ARMC9: variants seen among roughly 807,000 people sequenced by gnomAD.
ARMC9 encodes lisH domain-containing protein ARMC9.
A neutral mutation model predicts 107.0 loss-of-function variants in ARMC9; 94 were observed. The ratio of observed to expected loss-of-function variants is 0.88; its 90% CI spans 0.74 to 1.04. The LOEUF (loss-of-function observed/expected upper bound fraction) is 1.04, where lower values mean the gene tolerates loss of function less well. Among genes scored for constraint, ARMC9 ranks in the 50% least tolerant of loss-of-function variants. The pLI, the probability that ARMC9 is intolerant of heterozygous loss-of-function variation, is 0.00. For missense variants in ARMC9, 942 were observed against 1,030.1 expected (o/e 0.91, Z 1.17); for synonymous variants, 380 against 396.9 (o/e 0.96, Z 0.51).
At chr2:231,296,046 A>G in intron 18 of ARMC9, 152 bp from the exon 19 acceptor site, 1 of 475,354 alleles carries the variant, frequency 2.1e-6, no homozygotes, top group Non-Finnish European at 3.7e-6. Flanking sequence ...CAGTGACTGA[A>G]ATGGTTGTGA....
intron 11 of ARMC9, among the ~76,000 whole-genome samples, chr2:231,262,068 T>C (rs527810116): frequency 9.9e-5 from 15 of 152,274 alleles, no homozygotes; most frequent in African/African-American, 3.6e-4. Flanking sequence ...GTGATCCACC[T>C]GCCTCGGCCT....
chr2:231,268,576 C>T (rs1046389944), intron 12 of ARMC9, among the ~76,000 whole-genome samples: 5 of 152,052 alleles, frequency 3.3e-5, no homozygotes, highest in African/African-American at 4.8e-5. Flanking sequence ...CTTGTTCTCT[C>T]GGTTGGTGGA....
At chr2:231,307,540 G>T (rs113290924) in intron 19 of ARMC9, among the ~76,000 whole-genome samples, 1 of 152,208 alleles carries the variant, frequency 6.6e-6, no homozygotes, top group Non-Finnish European at 1.5e-5. Flanking sequence ...AAGCATCAGC[G>T]TAGAGGGAAT....
In ARMC9 at chr2:231,332,026, A is replaced by G. The variant is rs140772550; in HGVS notation, c.1878+129A>G. ...CCATACTGTATTTATGAGAAGGTCC[A>G]TGTTAGCCAGTCTGCTCTCAGTGGC... On this transcript the variant is annotated intron_variant, in intron 20 of 24. Transcript: ENST00000611582. 1.8e-3 allele frequency: 1,379 copies of G among 761,068 alleles called. 7 individuals carry two copies. Among genetic ancestry groups the G allele is most frequent in the Non-Finnish European group, 2.3e-3 (1,045 of 462,064 alleles). The allele number at this position is 761,068 out of a possible 1,614,324, so 47.1% of individuals were successfully genotyped here. A position where few individuals can be genotyped will look rare whatever the true frequency, so the allele number is the denominator to read the frequency against.
chr2:231,226,651 T>C lies in ARMC9; in HGVS notation c.598-123T>C, dbSNP rs559393299. ...TTACAGCAACAGTTGGAGCTGGCCC[T>C]CCCGGCTCCGAGAATTCTGTTTCAT... On this transcript the variant is annotated intron_variant, in intron 6 of 24. Coordinates refer to ENST00000611582, the MANE Select transcript of ARMC9 (RefSeq NM_001352754.2). 4.2e-6 allele frequency: 5 copies of C among 1,182,732 alleles called. No individual in the cohort carries two copies. The African/African-American group carries it at 7.7e-5, about 18-fold the overall frequency. The allele number at this position is 1,182,732 out of a possible 1,614,324, so 73.3% of individuals were successfully genotyped here.
intron 22 of ARMC9, among the ~76,000 whole-genome samples, chr2:231,356,596 T>G (rs1356869349): frequency 6.6e-6 from 1 of 152,170 alleles, no homozygotes; most frequent in African/African-American, 2.4e-5. Context: ...ATCTGAGAAC[T>G]TGCATCTGCT....
intron 12 of ARMC9, among the ~76,000 whole-genome samples, chr2:231,268,960 C>T (rs1191726116): frequency 6.6e-6 from 1 of 152,082 alleles, no homozygotes; most frequent in Admixed American, 6.6e-5. Flanking sequence ...CCAGCTAACT[C>T]AGAAGGCTGA....
At position 231,270,988 on chromosome 2, in the gene ARMC9, G is replaced by A. The variant is rs1424016991; in HGVS notation, c.1126G>A (p.Val376Met). The change falls in exon 13 of 25, where the codon GTG becomes ATG. Residue 376 changes from valine (V) to methionine (M), a missense_variant. Transcript: ENST00000611582. ...TCTTGACGTTTTCCCCCAGAGGAGT[G>A]TGCTTCAGTTGCTGCACTCCACGAG... ...LDCYSHNQRS[V>M]LQLLHSTSDV... The A allele has an allele frequency of 6.2e-7, 1 of 1,613,962 alleles. No homozygotes were observed. Among genetic ancestry groups the A allele is most frequent in the African/African-American group, 1.3e-5 (1 of 74,910 alleles).
At chr2:231,335,074 A>G (rs1057017208) in intron 20 of ARMC9, among the ~76,000 whole-genome samples, 1 of 152,188 alleles carries the variant, frequency 6.6e-6, no homozygotes. Flanking sequence ...CTTTGAGTGA[A>G]CCTGTGCCAT....
chr2:231,233,239 A>G (rs1349439591), intron 7 of ARMC9, among the ~76,000 whole-genome samples: 1 of 152,236 alleles, frequency 6.6e-6, no homozygotes, highest in Non-Finnish European at 1.5e-5. Flanking sequence ...TACAATTTGA[A>G]TGTAGGTTTT....
chr2:231,206,401 G>T, intron 2 of ARMC9, 112 bp downstream of exon 2: 2 of 894,836 alleles, frequency 2.2e-6, no homozygotes, highest in South Asian at 3.7e-5. Context: ...TTGTTATGTT[G>T]GAGCTATTTT....
At chr2:231,276,870 G>T (rs1402221581) in intron 15 of ARMC9, 95 bp downstream of exon 15, 2 of 1,486,950 alleles carry the variant, frequency 1.3e-6, no homozygotes, top group Non-Finnish European at 1.8e-6. Context: ...TTTGCTTTTA[G>T]TCTCATAGAA....
intron 19 of ARMC9, among the ~76,000 whole-genome samples, chr2:231,312,566 G>A (rs1419898340): frequency 1.3e-5 from 2 of 150,824 alleles, no homozygotes; most frequent in Non-Finnish European, 1.5e-5. Context: ...GATAGTCTTT[G>A]TGTGCAAAAC....
intron 10 of ARMC9, among the ~76,000 whole-genome samples, chr2:231,258,327 G>A (rs1359107424): frequency 3.9e-5 from 6 of 152,028 alleles, no homozygotes; most frequent in East Asian, 3.9e-4. Context: ...GACTACAGGC[G>A]CGTGTCACTA....
rs3042595 is a variant in ARMC9 at position 231,255,180 on chromosome 2, AAC to A, written c.880-1366_880-1365del. Among the ~76,000 whole-genome samples, 3,546 of 146,712 alleles carry A rather than the reference AAC, an allele frequency of 0.024. 73 individuals carry two copies. The highest frequency in any genetic ancestry group is 0.12 in the East Asian group (598 of 4,964). On this transcript the variant is annotated intron_variant, in intron 9 of 24. Transcript: ENST00000611582. The surrounding 1 kb of genome is among the most constrained non-coding windows in gnomAD (Gnocchi z 4.7). ...AGCACTACCTGTAGTGGCAAAAAGA[AAC>A]ACACACACACACACACACACACACA...
chr2:231,302,079 GTTTTC>G (rs1462894093), intron 19 of ARMC9, among the ~76,000 whole-genome samples: 1 of 151,938 alleles, frequency 6.6e-6, no homozygotes. Flanking sequence ...AGTCTCCTAG[GTTTTC>G]TTTTAAGATT....
At chr2:231,205,426 T>A (rs1165342769) in intron 1 of ARMC9, among the ~76,000 whole-genome samples, 2 of 152,154 alleles carry the variant, frequency 1.3e-5, no homozygotes, top group East Asian at 3.9e-4. Context: ...GAAGAAAGGC[T>A]CTGCACTTCA....
At chr2:231,320,486 C>T (rs1017965704) in intron 19 of ARMC9, among the ~76,000 whole-genome samples, 1 of 150,578 alleles carries the variant, frequency 6.6e-6, no homozygotes, top group South Asian at 2.1e-4. Context: ...TTTGTTTTTT[C>T]ATCTGTAAAA....
intron 20 of ARMC9, among the ~76,000 whole-genome samples, chr2:231,338,658 G>A (rs1404368366): frequency 6.8e-6 from 1 of 148,022 alleles, no homozygotes; most frequent in Admixed American, 6.9e-5. Flanking sequence ...TCCCACCTCA[G>A]CCCCCCAAGT....
Sources: allele counts gnomAD v4.1 joint callset (sites outside exome capture counted in the v4.1 genomes callset), GRCh38; gene constraint gnomAD v4.1.1; non-coding constraint Gnocchi (gnomAD v3.1); transcripts MANE v1.5; gene names NCBI Gene and HGNC (gene_info 2026-07-23, HGNC 2026-07-21).